Variants in SHANK2 observed in about 807,000 individuals in gnomAD.
SHANK2 encodes SH3 and multiple ankyrin repeat domains protein 2.
In SHANK2, 43 loss-of-function variants were observed where a neutral mutation model predicts 133.7. The observed-to-expected ratio is 0.32, with a 90% CI of 0.25 to 0.41. SHANK2 has a LOEUF of 0.41. Ranked by LOEUF, SHANK2 falls within the 10% of genes least tolerant of loss-of-function variation. The pLI, the probability that SHANK2 is intolerant of heterozygous loss-of-function variation, is 1.00. For missense variants in SHANK2, 1,994 were observed against 2,235.8 expected (o/e 0.89, Z 2.18); for synonymous variants, 1,017 against 952.8 (o/e 1.07, Z -1.24).
At chr11:70,637,394 G>C (rs1328977171) in intron 17 of SHANK2, among the ~76,000 whole-genome samples, 2 of 152,136 alleles carry the variant, frequency 1.3e-5, no homozygotes, top group Admixed American at 6.5e-5. Context: ...AGACCCTCCT[G>C]CTATTCACAG....
At chr11:71,202,512 C>T (rs782618881) in intron 2 of SHANK2, among the ~76,000 whole-genome samples, 4 of 152,214 alleles carry the variant, frequency 2.6e-5, no homozygotes, top group Non-Finnish European at 4.4e-5. Context: ...TCTTCCAACT[C>T]CACACTCAAC....
At chr11:70,484,424 C>G (rs1372635224) in intron 25 of SHANK2, among the ~76,000 whole-genome samples, 4 of 152,110 alleles carry the variant, frequency 2.6e-5, no homozygotes, top group African/African-American at 9.7e-5. Flanking sequence ...CTTGCTCCCC[C>G]TTTGGTGATC....
intron 17 of SHANK2, chr11:70,646,176 C>T (rs1555008169): frequency 6.6e-6 from 1 of 152,244 alleles, no homozygotes; most frequent in Non-Finnish European, 1.5e-5. Flanking sequence ...CCCCCTCAAA[C>T]CCAGGACATT....
chr11:70,585,528 A>G (rs2060237339), intron 17 of SHANK2, among the ~76,000 whole-genome samples: 2 of 152,172 alleles, frequency 1.3e-5, no homozygotes, highest in Non-Finnish European at 2.9e-5. Context: ...GTTCCTAATA[A>G]GGACAGGCTT....
At chr11:70,533,482 G>A (rs2059504365) in intron 17 of SHANK2, among the ~76,000 whole-genome samples, 1 of 152,124 alleles carries the variant, frequency 6.6e-6, no homozygotes, top group South Asian at 2.1e-4. Flanking sequence ...GAACTGCTGA[G>A]AATGTCCAAC....
chr11:70,732,999 A>T (rs1326732577), intron 14 of SHANK2, among the ~76,000 whole-genome samples: 1 of 152,236 alleles, frequency 6.6e-6, no homozygotes, highest in African/African-American at 2.4e-5. Flanking sequence ...TGCATGTCAG[A>T]TGCTGCCGAT....
At chr11:70,788,946 G>A (rs78702085) in intron 14 of SHANK2, among the ~76,000 whole-genome samples, 1,528 of 152,290 alleles carry the variant, frequency 0.01, 20 homozygotes, top group African/African-American at 0.035. Context: ...GGAGAGATCC[G>A]AGAATGTTAT....
rs146204963 is a variant in SHANK2 at position 71,122,990 on chromosome 11, A to G, written c.208-3958T>C. 3.1e-3 allele frequency among the ~76,000 whole-genome samples: 473 copies of G among 152,282 alleles called. 1 individual carries two copies. Among genetic ancestry groups the G allele is most frequent in the African/African-American group, 0.011 (447 of 41,568 alleles). ...TGCCACTAATTGTGGCAGCAAAAAA[A>G]CAGCAGCATCATCATCTCTGAGAGC... On this transcript the variant is annotated intron_variant, in intron 3 of 25. Coordinates refer to ENST00000601538, the MANE Select transcript of SHANK2 (RefSeq NM_012309.5).
intron 14 of SHANK2, among the ~76,000 whole-genome samples, chr11:70,744,268 G>A (rs1555035422): frequency 4.6e-5 from 7 of 152,238 alleles, no homozygotes; most frequent in Non-Finnish European, 1.0e-4. Context: ...CTGCCCTTGT[G>A]GGCTCGGGCG....
chr11:70,925,650 G>T (rs146668080), intron 10 of SHANK2, among the ~76,000 whole-genome samples: 1 of 152,206 alleles, frequency 6.6e-6, no homozygotes, highest in Non-Finnish European at 1.5e-5. Context: ...AAGAAAAGCC[G>T]GATTTGCACA....
chr11:71,124,488 C>T (rs1952144855), intron 3 of SHANK2, among the ~76,000 whole-genome samples: 1 of 151,734 alleles, frequency 6.6e-6, no homozygotes, highest in Admixed American at 6.6e-5. Context: ...AACCTTATCA[C>T]CTTCACCACA....
In SHANK2 at chr11:70,661,500, T is replaced by TAC. The variant is rs3837380; in HGVS notation, c.1936+94_1936+95dup. On this transcript the variant is annotated intron_variant, in intron 16 of 25. Coordinates refer to ENST00000601538, the MANE Select transcript of SHANK2 (RefSeq NM_012309.5). The stretch of plus-strand genomic sequence containing the variant: ...GGGGAACGTTTTTCATGCAGGCGTA[T>TAC]ACACACACACACACACACACACACA... 8.3e-3 allele frequency: 8,766 copies of TAC among 1,057,774 alleles called. 53 individuals are homozygous for TAC. The highest frequency in any genetic ancestry group is 0.032 in the African/African-American group (1,725 of 54,660). 65.5% of individuals were successfully genotyped at this position (1,057,774 alleles called of 1,614,324 possible).
intron 17 of SHANK2, among the ~76,000 whole-genome samples, chr11:70,550,651 G>T (rs1002606132): frequency 6.6e-6 from 1 of 152,198 alleles, no homozygotes; most frequent in Non-Finnish European, 1.5e-5. Context: ...AGAACTGAGC[G>T]ATGTTGTTAG....
intron 17 of SHANK2, among the ~76,000 whole-genome samples, chr11:70,545,054 G>A (rs1005798549): frequency 6.6e-5 from 10 of 152,202 alleles, no homozygotes; most frequent in African/African-American, 1.9e-4. Flanking sequence ...AGGATGGGCC[G>A]GTGGCAAGAG....
intron 10 of SHANK2, among the ~76,000 whole-genome samples, chr11:70,899,205 C>G (rs1555076307): frequency 6.6e-6 from 1 of 152,102 alleles, no homozygotes; most frequent in East Asian, 1.9e-4. Context: ...GAGGGAGGGA[C>G]CCGGCGGGAG....
intron 22 of SHANK2, among the ~76,000 whole-genome samples, chr11:70,491,681 C>T (rs494197): frequency 0.33 from 50,346 of 152,162 alleles, 9,756 homozygotes; most frequent in East Asian, 0.64. Context: ...AGATGGCTGC[C>T]TCTGCACAAT....
chr11:70,903,475 G>A (rs1950055427), intron 10 of SHANK2, among the ~76,000 whole-genome samples: 1 of 146,912 alleles, frequency 6.8e-6, no homozygotes, highest in Non-Finnish European at 1.5e-5. Flanking sequence ...TTAGCCTCAA[G>A]CTTTGAAGCA....
At chr11:70,833,164 C>T (rs753637285) in intron 11 of SHANK2, among the ~76,000 whole-genome samples, 10 of 152,238 alleles carry the variant, frequency 6.6e-5, no homozygotes, top group Non-Finnish European at 1.3e-4. Context: ...TCACAGAAGC[C>T]GGCGAGTGTG....
chr11:70,845,483 A>G (rs1172880602), intron 11 of SHANK2, among the ~76,000 whole-genome samples: 4 of 152,206 alleles, frequency 2.6e-5, no homozygotes, highest in East Asian at 1.9e-4. Context: ...TGAACTTCCA[A>G]TGGAATGTGC....
Sources: gnomAD v4.1 joint callset for allele counts (sites outside exome capture counted in the v4.1 genomes callset) on GRCh38, gnomAD v4.1.1 for gene constraint, MANE v1.5 for transcripts, NCBI Gene and HGNC (gene_info 2026-07-23, HGNC 2026-07-21) for gene names.